OR9Q1: variants seen among roughly 807,000 people sequenced by gnomAD.
The protein encoded by OR9Q1 is olfactory receptor 9Q1.
For synonymous variants in OR9Q1, 153 were observed against 148.6 expected (o/e 1.03, Z -0.22); for missense variants, 374 against 378.8 (o/e 0.99, Z 0.11).
At chr11:58,078,753 C>A (rs1853562760) in intron 2 of OR9Q1, 1 of 152,092 alleles carries the variant, frequency 6.6e-6, no homozygotes, top group Admixed American at 6.6e-5. Context: ...TCTAGAAGAC[C>A]CATCATTGGT....
At chr11:58,095,886 G>C (rs1006980322) in intron 2 of OR9Q1, among the ~76,000 whole-genome samples, 3 of 152,114 alleles carry the variant, frequency 2.0e-5, no homozygotes, top group Non-Finnish European at 4.4e-5. Context: ...ACTTAAATAC[G>C]CATCAAAGTG....
intron 2 of OR9Q1, 109 bp from the exon 3 acceptor site, chr11:58,179,322 C>A: frequency 1.5e-6 from 1 of 684,562 alleles, no homozygotes; most frequent in Non-Finnish European, 2.4e-6. Context: ...CAGCACCTGG[C>A]ACACCTGGCA....
chr11:58,080,066 G>A (rs887193016), intron 2 of OR9Q1, among the ~76,000 whole-genome samples: 26 of 152,036 alleles, frequency 1.7e-4, no homozygotes, highest in African/African-American at 6.3e-4. Context: ...ACATGTGCAG[G>A]CTTGTTACAT....
chr11:58,174,320 T>G (rs1854583797), intron 2 of OR9Q1, among the ~76,000 whole-genome samples: 1 of 152,054 alleles, frequency 6.6e-6, no homozygotes, highest in East Asian at 1.9e-4. Flanking sequence ...TGAAACAGAT[T>G]GTGAATCAAG....
chr11:58,170,791 C>T (rs541954425), intron 2 of OR9Q1, among the ~76,000 whole-genome samples: 1 of 152,132 alleles, frequency 6.6e-6, no homozygotes, highest in African/African-American at 2.4e-5. Context: ...ATTGTGAGGC[C>T]TCCCCAGCCA....
chr11:58,138,910 C>T (rs1031253316), intron 2 of OR9Q1, among the ~76,000 whole-genome samples: 2 of 152,098 alleles, frequency 1.3e-5, no homozygotes, highest in African/African-American at 4.8e-5. Flanking sequence ...CATCATGTCC[C>T]CATTTCACCC....
chr11:58,145,120 A>G (rs929064025), intron 2 of OR9Q1: 18 of 152,508 alleles, frequency 1.2e-4, no homozygotes, highest in African/African-American at 3.4e-4. Flanking sequence ...CATTTCAGTG[A>G]TTCTTACATC....
intron 2 of OR9Q1, among the ~76,000 whole-genome samples, chr11:58,083,272 T>C (rs1853606383): frequency 6.6e-6 from 1 of 152,022 alleles, no homozygotes; most frequent in Non-Finnish European, 1.5e-5. Context: ...AGGGAATCCT[T>C]TCCCCATTGC....
chr11:58,136,794 G>A (rs1854193784), intron 2 of OR9Q1, among the ~76,000 whole-genome samples: 1 of 152,162 alleles, frequency 6.6e-6, no homozygotes, highest in African/African-American at 2.4e-5. Context: ...TGAGTTAGGA[G>A]ACCCTCTCCC....
At chr11:58,170,166 T>C (rs927061063) in intron 2 of OR9Q1, among the ~76,000 whole-genome samples, 6 of 152,156 alleles carry the variant, frequency 3.9e-5, no homozygotes, top group East Asian at 3.9e-4. Context: ...AGTATCCCTT[T>C]TTTCAGATGC....
At chr11:58,093,167 T>C (rs1329111629) in intron 2 of OR9Q1, among the ~76,000 whole-genome samples, 2 of 152,214 alleles carry the variant, frequency 1.3e-5, no homozygotes, top group Non-Finnish European at 2.9e-5. Context: ...TGATTCCAAA[T>C]ATATGTATTT....
At chr11:58,104,096 A>G (rs1046671917) in intron 2 of OR9Q1, among the ~76,000 whole-genome samples, 1 of 152,212 alleles carries the variant, frequency 6.6e-6, no homozygotes, top group Non-Finnish European at 1.5e-5. Flanking sequence ...GCCAAACTCA[A>G]TTAATCAGAA....
intron 2 of OR9Q1, chr11:58,057,833 A>T (rs1853342524): frequency 6.6e-6 from 1 of 152,186 alleles, no homozygotes; most frequent in Non-Finnish European, 1.5e-5. Context: ...ACCTGGAGAA[A>T]AGCTGTAGCC....
chr11:58,175,388 A>G (rs909528857), intron 2 of OR9Q1, among the ~76,000 whole-genome samples: 2 of 152,002 alleles, frequency 1.3e-5, no homozygotes, highest in African/African-American at 4.8e-5. Flanking sequence ...AGTTTTGCCC[A>G]TCATTCTCCC....
intron 2 of OR9Q1, among the ~76,000 whole-genome samples, chr11:58,141,368 C>T (rs1854246948): frequency 6.6e-6 from 1 of 152,078 alleles, no homozygotes; most frequent in African/African-American, 2.4e-5. Flanking sequence ...TCATAGACAG[C>T]TCTTATTATT....
chr11:58,095,564 A>G (rs1853722546), intron 2 of OR9Q1, among the ~76,000 whole-genome samples: 1 of 152,158 alleles, frequency 6.6e-6, no homozygotes, highest in Non-Finnish European at 1.5e-5. Flanking sequence ...GGAAGCAAAC[A>G]TGTCTTTTTT....
At chr11:58,132,391 G>A (rs1383135024) in intron 2 of OR9Q1, among the ~76,000 whole-genome samples, 2 of 152,182 alleles carry the variant, frequency 1.3e-5, no homozygotes, top group African/African-American at 2.4e-5. Flanking sequence ...GTGACCATGA[G>A]TGGTTACTTC....
chr11:58,031,898 G>A, intron 1 of OR9Q1: 1 of 1,600,464 alleles, frequency 6.2e-7, no homozygotes, highest in South Asian at 1.1e-5. Context: ...CTTTTGGAAG[G>A]GACAGTGAGG....
chr11:58,130,804 CA>C (rs71454318), intron 2 of OR9Q1, among the ~76,000 whole-genome samples: 285 of 128,974 alleles, frequency 2.2e-3, no homozygotes, highest in Admixed American at 2.5e-3. Context: ...AAGACTGTCT[CA>C]AAAAAAAAAA....
Sources: allele counts gnomAD v4.1 joint callset (sites outside exome capture counted in the v4.1 genomes callset), GRCh38; gene constraint gnomAD v4.1.1; transcripts MANE v1.5; gene names NCBI Gene and HGNC (gene_info 2026-07-23, HGNC 2026-07-21).